Variants in BANP observed in about 807,000 individuals in gnomAD.
BANP encodes the protein BTG3 associated nuclear protein.
In BANP, 11 loss-of-function variants were observed where a neutral mutation model predicts 68.1. The observed-to-expected ratio is 0.16, with a 90% confidence interval of 0.10 to 0.27. The LOEUF is 0.27. BANP is among the 10% of genes least tolerant of loss of function. BANP has a pLI of 1.00. For missense variants in BANP, 504 were observed against 722.7 expected, an observed-to-expected ratio of 0.70 and a Z score of 3.47; for synonymous variants, 329 against 303.2, an observed-to-expected ratio of 1.09 and a Z score of -0.88.
At position 87,984,422 on chromosome 16, in the gene BANP, G is replaced by A. The variant is rs550159342; in HGVS notation, c.362+163G>A. On this transcript the variant is annotated intron_variant, in intron 4 of 13. Transcript: ENST00000682872. ...ACTAAAGCTGACTTTTAGTTAGACC[G>A]AAACCGAACACATGGCATCCTGCCA... Among the ~76,000 whole-genome samples, 11 of 152,328 alleles carry A rather than the reference G, an allele frequency of 7.2e-5. No homozygotes were observed. In the South Asian group the frequency reaches 1.0e-3, roughly 14 times the overall value.
At chr16:87,971,698 T>C (rs1033166718) in intron 1 of BANP, among the ~76,000 whole-genome samples, 3 of 152,050 alleles carry the variant, frequency 2.0e-5, no homozygotes, top group Admixed American at 2.0e-4. Context: ...CCCTAGGTTG[T>C]AGTGTATTAT....
At chr16:87,954,831 A>G (rs899165337) in intron 1 of BANP, among the ~76,000 whole-genome samples, 18 of 152,208 alleles carry the variant, frequency 1.2e-4, no homozygotes, top group Admixed American at 3.9e-4. Context: ...AGAGGAGGTC[A>G]CCCGTACGGC....
chr16:88,011,369 G>A (rs1598410849), intron 6 of BANP, among the ~76,000 whole-genome samples: 1 of 152,020 alleles, frequency 6.6e-6, no homozygotes, highest in East Asian at 1.9e-4. Context: ...TCAGGTGCTA[G>A]AGGCGCTCAG....
intron 7 of BANP, among the ~76,000 whole-genome samples, chr16:88,021,042 C>T (rs2075941372): frequency 6.6e-6 from 1 of 152,192 alleles, no homozygotes; most frequent in Non-Finnish European, 1.5e-5. Flanking sequence ...TTGACCTTCT[C>T]TGCTGAGCTT....
At chr16:88,023,158 C>T (rs942431552) in intron 7 of BANP, among the ~76,000 whole-genome samples, 5 of 152,152 alleles carry the variant, frequency 3.3e-5, no homozygotes, top group African/African-American at 1.2e-4. Context: ...CTCACGGTGA[C>T]TGAGAGCTGG....
Position 88,002,041 on chromosome 16 carries a change from T to A in BANP, c.363-2254T>A, listed in dbSNP as rs1436172655. On this transcript the variant is annotated intron_variant, in intron 4 of 13. Transcript: ENST00000682872. The surrounding 1 kb of genome is among the most constrained non-coding windows in gnomAD (Gnocchi z 4.6). Reference sequence around the variant, plus strand: ...CCCACTTAGAACTAATTCTTGATAATAAAATACTAGGAATGTATTTTTGAA... The same window carrying A: ...CCCACTTAGAACTAATTCTTGATAAAAAAATACTAGGAATGTATTTTTGAA... Among the ~76,000 whole-genome samples, 1 of 152,202 alleles carries A rather than the reference T, an allele frequency of 6.6e-6. No homozygotes were observed. Among genetic ancestry groups the A allele is most frequent in the Non-Finnish European group, 1.5e-5 (1 of 68,044 alleles).
At chr16:87,967,603 G>A (rs1398024018) in intron 1 of BANP, among the ~76,000 whole-genome samples, 1 of 146,802 alleles carries the variant, frequency 6.8e-6, no homozygotes, top group African/African-American at 2.5e-5. Flanking sequence ...TTACAGGCAT[G>A]CCCCACCACA....
At chr16:87,981,673 G>T (rs2063310218) in intron 3 of BANP, among the ~76,000 whole-genome samples, 1 of 152,226 alleles carries the variant, frequency 6.6e-6, no homozygotes, top group Admixed American at 6.5e-5. Context: ...AGCACAAAGA[G>T]TAAGAATTGT....
intron 4 of BANP, among the ~76,000 whole-genome samples, chr16:87,997,468 T>C (rs2067581856): frequency 6.6e-6 from 1 of 152,278 alleles, no homozygotes. Flanking sequence ...TGAGCATCAG[T>C]GTCTTCATGG....
intron 11 of BANP, among the ~76,000 whole-genome samples, chr16:88,055,856 C>G (rs890248110): frequency 6.6e-6 from 1 of 152,134 alleles, no homozygotes; most frequent in African/African-American, 2.4e-5. Flanking sequence ...CTTGGAGACT[C>G]TCAGTGGTTT....
At chr16:88,019,550 G>A (rs1343153328) in intron 7 of BANP, among the ~76,000 whole-genome samples, 1 of 139,034 alleles carries the variant, frequency 7.2e-6, no homozygotes, top group East Asian at 2.1e-4. Flanking sequence ...GGGGGCGTCC[G>A]GGATCTCAGC....
intron 4 of BANP, among the ~76,000 whole-genome samples, chr16:87,994,916 A>T (rs1052673689): frequency 3.3e-5 from 5 of 152,200 alleles, no homozygotes. Flanking sequence ...TGTGATTAGC[A>T]TGGTGGGAGG....
intron 11 of BANP, among the ~76,000 whole-genome samples, chr16:88,060,846 C>T (rs1480305032): frequency 3.3e-5 from 5 of 152,018 alleles, no homozygotes; most frequent in Admixed American, 1.3e-4. Context: ...TCCCACTCTT[C>T]GTCGTCCCCT....
rs753839222 is a variant in BANP at position 88,018,447 on chromosome 16, C to T, written c.675C>T (p.Thr225=). The T allele has an allele frequency of 2.5e-6, 4 of 1,612,620 alleles. No homozygotes were observed. Among genetic ancestry groups the T allele is most frequent in the Non-Finnish European group, 3.4e-6 (4 of 1,179,680 alleles). The change falls in exon 7 of 14, where the codon ACC becomes ACT. Residue 225 remains threonine (T), a synonymous_variant. Coordinates refer to ENST00000682872, the MANE Select transcript of BANP (RefSeq NM_001386991.1). This position sits in a 1 kb window ranked among gnomAD's most constrained non-coding sequence, Gnocchi z 7.7. The part of the protein sequence containing the change: ...LNSEEDYPNG[T]WLGDENNPEM... ...TTTCAGAGGACTACCCCAATGGCAC[C>T]TGGCTGGGCGACGAGAACAACCCCG...
At position 88,064,545 on chromosome 16, in the gene BANP, T is replaced by C. The variant is rs1278448679; in HGVS notation, c.1312-722T>C. On this transcript the variant is annotated intron_variant, in intron 11 of 13. Coordinates refer to ENST00000682872, the MANE Select transcript of BANP (RefSeq NM_001386991.1). The surrounding 1 kb of genome is among the most constrained non-coding windows in gnomAD (Gnocchi z 4.5). ...GCTAGGCGTCCAGGCCAGCATCGGGTTGGCTGAGGGTTTGCCGAGGAGAGG... is the reference window on the plus strand; with the variant it reads ...GCTAGGCGTCCAGGCCAGCATCGGGCTGGCTGAGGGTTTGCCGAGGAGAGG... Among the ~76,000 whole-genome samples, 3 of 152,222 alleles carry C rather than the reference T, an allele frequency of 2.0e-5. No individual in the cohort carries two copies. The highest frequency in any genetic ancestry group is 6.5e-5 in the Admixed American group (1 of 15,292).
chr16:87,976,277 G>A (rs1165681060), intron 2 of BANP, among the ~76,000 whole-genome samples: 1 of 152,212 alleles, frequency 6.6e-6, no homozygotes, highest in East Asian at 1.9e-4. Context: ...TCCACGGACA[G>A]TGCTTGAGAA....
intron 4 of BANP, among the ~76,000 whole-genome samples, chr16:87,998,647 G>C (rs1388962023): frequency 3.5e-5 from 5 of 143,478 alleles, no homozygotes; most frequent in Admixed American, 1.4e-4. Flanking sequence ...TGTCCTTCCA[G>C]ACACCCAGAC....
chr16:87,966,021 G>C (rs1031038423), intron 1 of BANP, among the ~76,000 whole-genome samples: 2 of 152,204 alleles, frequency 1.3e-5, no homozygotes, highest in Non-Finnish European at 2.9e-5. Flanking sequence ...ATGACCACAC[G>C]TGGACACCAT....
At chr16:87,959,275 A>G (rs2058668528) in intron 1 of BANP, among the ~76,000 whole-genome samples, 2 of 152,172 alleles carry the variant, frequency 1.3e-5, no homozygotes, top group Non-Finnish European at 2.9e-5. Context: ...ATCATGAAAT[A>G]TTGTTCTTTT....
Sources: gnomAD v4.1 joint callset for allele counts (sites outside exome capture counted in the v4.1 genomes callset) on GRCh38, gnomAD v4.1.1 for gene constraint, Gnocchi (gnomAD v3.1) non-coding constraint, MANE v1.5 for transcripts, NCBI Gene and HGNC (gene_info 2026-07-23, HGNC 2026-07-21) for gene names.